Variants in LAMA2 observed in about 807,000 individuals in gnomAD.
LAMA2 encodes the protein laminin subunit alpha-2.
LAMA2 carries 269 observed loss-of-function variants against 364.8 expected under a neutral mutation model. The observed-to-expected ratio is 0.74, with a 90% CI of 0.67 to 0.82. LAMA2 has a LOEUF of 0.82. Among genes scored for constraint, LAMA2 ranks in the 40% least tolerant of loss-of-function variants. The probability of loss-of-function intolerance (pLI) is 0.00; values close to 1 mark genes in which losing one functional copy is unlikely to be tolerated. For synonymous variants in LAMA2, 1,379 were observed against 1,370.6 expected, an observed-to-expected ratio of 1.01 and a Z score of -0.14; for missense variants, 3,807 against 3,873.2, an observed-to-expected ratio of 0.98 and a Z score of 0.45.
intron 22 of LAMA2, among the ~76,000 whole-genome samples, chr6:129,307,340 C>G (rs1487903080): frequency 2.4e-4 from 36 of 152,304 alleles, no homozygotes. Context: ...TCCTTCATCC[C>G]ATGCATGCAC....
At chr6:129,231,025 A>G (rs1354080390) in intron 12 of LAMA2, among the ~76,000 whole-genome samples, 1 of 152,130 alleles carries the variant, frequency 6.6e-6, no homozygotes, top group East Asian at 1.9e-4. Flanking sequence ...TGTGCTGTAC[A>G]CTAAATATCA....
intron 40 of LAMA2, among the ~76,000 whole-genome samples, chr6:129,408,639 A>G (rs1377744991): frequency 6.6e-6 from 1 of 152,130 alleles, no homozygotes; most frequent in African/African-American, 2.4e-5. Context: ...TGCCACCAAG[A>G]AGCTGGCTGA....
chr6:129,224,983 G>A (rs1474756301), intron 12 of LAMA2, among the ~76,000 whole-genome samples: 1 of 152,016 alleles, frequency 6.6e-6, no homozygotes, highest in Non-Finnish European at 1.5e-5. Context: ...TTGGTTGGTA[G>A]GCTATTAATT....
intron 60 of LAMA2, 139 bp from the exon 61 acceptor site, chr6:129,505,061 A>G: frequency 1.3e-6 from 1 of 741,644 alleles, no homozygotes; most frequent in East Asian, 2.5e-5. Flanking sequence ...TCCCATATAT[A>G]ATGGGCTTAG....
chr6:129,267,290 C>CACCTCGACAGA, intron 16 of LAMA2, 71 bp downstream of exon 16: 1 of 1,030,370 alleles, frequency 9.7e-7, no homozygotes, highest in Non-Finnish European at 1.5e-6. Context: ...TACAATTCAG[C>CACCTCGACAGA]TACTACCCTG....
intron 12 of LAMA2, among the ~76,000 whole-genome samples, chr6:129,219,253 A>T (rs1419191761): frequency 6.6e-6 from 1 of 152,238 alleles, no homozygotes; most frequent in Non-Finnish European, 1.5e-5. Flanking sequence ...CCATCAGAGA[A>T]ATGCAAATCA....
intron 32 of LAMA2, among the ~76,000 whole-genome samples, chr6:129,363,859 GT>G (rs1467808784): frequency 1.3e-5 from 2 of 152,190 alleles, no homozygotes; most frequent in African/African-American, 4.8e-5. Flanking sequence ...TCTATGTTGT[GT>G]TTTCTCTAAT....
At chr6:129,463,542 A>G (rs181524301) in intron 49 of LAMA2, among the ~76,000 whole-genome samples, 39 of 152,160 alleles carry the variant, frequency 2.6e-4, no homozygotes, top group African/African-American at 8.4e-4. Context: ...AGGTAGATAG[A>G]CAGATACATA....
intron 8 of LAMA2, among the ~76,000 whole-genome samples, chr6:129,164,230 G>A (rs1357183708): frequency 6.6e-6 from 1 of 152,154 alleles, no homozygotes; most frequent in Admixed American, 6.5e-5. Flanking sequence ...TGTCTATACA[G>A]CATAGATATG....
intron 14 of LAMA2, among the ~76,000 whole-genome samples, 184 bp downstream of exon 14, chr6:129,252,479 A>G (rs553357025): frequency 2.0e-5 from 3 of 152,298 alleles, no homozygotes; most frequent in Non-Finnish European, 4.4e-5. Flanking sequence ...AAATATGCAG[A>G]ATAAATTTGT....
At chr6:129,482,801 C>A (rs912636545) in intron 55 of LAMA2, among the ~76,000 whole-genome samples, 2 of 152,124 alleles carry the variant, frequency 1.3e-5, no homozygotes, top group Non-Finnish European at 2.9e-5. Context: ...TGGCTCACGC[C>A]TGTAATCCCA....
At chr6:129,492,770 T>G (rs1784940320) in intron 58 of LAMA2, among the ~76,000 whole-genome samples, 1 of 152,218 alleles carries the variant, frequency 6.6e-6, no homozygotes, top group Non-Finnish European at 1.5e-5. Context: ...GCAACCATGT[T>G]GGTTTCCAGG....
intron 48 of LAMA2, 38 bp downstream of exon 48, chr6:129,456,532 G>A: frequency 6.4e-7 from 1 of 1,563,260 alleles, no homozygotes; most frequent in Non-Finnish European, 8.8e-7. Context: ...TTTCATCTTT[G>A]TTGACATCTC....
intron 37 of LAMA2, 129 bp downstream of exon 37, chr6:129,393,384 G>A (rs976251217): frequency 4.0e-6 from 3 of 741,302 alleles, no homozygotes; most frequent in East Asian, 2.7e-5. Context: ...CTGAAAGGGG[G>A]CTTCTAAGAA....
At chr6:129,479,223 GTAATTTACA>G (rs1784235526) in intron 54 of LAMA2, among the ~76,000 whole-genome samples, 2 of 152,116 alleles carry the variant, frequency 1.3e-5, no homozygotes, top group Admixed American at 1.3e-4. Context: ...GTAGCAAGTA[GTAATTTACA>G]CCGTAGCCAT....
At chr6:129,281,249 G>A (rs1467028797) in intron 18 of LAMA2, among the ~76,000 whole-genome samples, 3 of 152,090 alleles carry the variant, frequency 2.0e-5, no homozygotes, top group Admixed American at 6.6e-5. Context: ...AGAAAGGCAT[G>A]TGCATATTAC....
At chr6:128,896,656 G>A (rs1776795164) in intron 1 of LAMA2, among the ~76,000 whole-genome samples, 1 of 152,170 alleles carries the variant, frequency 6.6e-6, no homozygotes. Flanking sequence ...TGCTACTGGA[G>A]TGATGCTGAG....
At chr6:128,949,470 GA>G (rs947780590) in intron 1 of LAMA2, among the ~76,000 whole-genome samples, 4 of 151,668 alleles carry the variant, frequency 2.6e-5, no homozygotes, top group African/African-American at 7.3e-5. Context: ...GGGAAAAAAA[GA>G]AAATAAATAT....
intron 29 of LAMA2, among the ~76,000 whole-genome samples, chr6:129,338,933 G>A (rs1776103117): frequency 2.0e-5 from 3 of 149,158 alleles, no homozygotes; most frequent in Admixed American, 1.3e-4. Flanking sequence ...AGTGGCTACA[G>A]CTACATATGG....
Sources: gnomAD v4.1 joint callset for allele counts (sites outside exome capture counted in the v4.1 genomes callset) on GRCh38, gnomAD v4.1.1 for gene constraint, MANE v1.5 for transcripts, NCBI Gene and HGNC (gene_info 2026-07-23, HGNC 2026-07-21) for gene names.